The following NF1 variants were observed in gnomAD, a reference collection of about 807,000 sequenced individuals.
NF1 encodes the protein neurofibromin.
NF1 carries 122 observed loss-of-function variants against 325.7 expected under a neutral mutation model. That is an observed-to-expected ratio of 0.37 (90% CI 0.32 to 0.44). The LOEUF is 0.44. Among genes scored for constraint, NF1 ranks in the 20% least tolerant of loss-of-function variants. The pLI, the probability that NF1 is intolerant of heterozygous loss-of-function variation, is 1.00. For synonymous variants in NF1, 1,091 were observed against 1,186.0 expected, an observed-to-expected ratio of 0.92 and a Z score of 1.65; for missense variants, 2,140 against 3,415.4, an observed-to-expected ratio of 0.63 and a Z score of 9.31.
At chr17:31,203,014 T>A (rs1368754904) in intron 11 of NF1, among the ~76,000 whole-genome samples, 1 of 152,236 alleles carries the variant, frequency 6.6e-6, no homozygotes, top group East Asian at 1.9e-4. Context: ...AAAATTTGTA[T>A]ACAATAAACC....
intron 11 of NF1, among the ~76,000 whole-genome samples, chr17:31,205,644 G>A (rs916038717): frequency 2.6e-5 from 4 of 152,014 alleles, no homozygotes; most frequent in African/African-American, 9.7e-5. Context: ...CTTTGTTTAT[G>A]GTAATTGTTA....
chr17:31,305,156 A>G (rs1166572543), intron 36 of NF1: 2 of 1,614,094 alleles, frequency 1.2e-6, no homozygotes, highest in South Asian at 1.1e-5. Flanking sequence ...ATCTGGACAG[A>G]TGATGATTGT....
chr17:31,238,118 G>A (rs1193456231), intron 29 of NF1, among the ~76,000 whole-genome samples: 1 of 152,154 alleles, frequency 6.6e-6, no homozygotes, highest in Non-Finnish European at 1.5e-5. Flanking sequence ...GATCATAATT[G>A]ACGAGTTGCT....
chr17:31,121,372 C>T (rs371339904), intron 1 of NF1, among the ~76,000 whole-genome samples: 1 of 150,098 alleles, frequency 6.7e-6, no homozygotes, highest in African/African-American at 2.5e-5. Context: ...TTATTGAGTC[C>T]CTTCTATGTG....
At chr17:31,121,632 A>G in intron 1 of NF1, among the ~76,000 whole-genome samples, 1 of 152,050 alleles carries the variant, frequency 6.6e-6, no homozygotes, top group East Asian at 1.9e-4. Flanking sequence ...TTTTATCATG[A>G]AGGGGTGTTG....
rs992855982 is a variant in NF1, at chr17:31,377,601, C to T, written c.*3446C>T. On this transcript the variant is annotated 3_prime_UTR_variant, in exon 58 of 58. Coordinates refer to ENST00000358273, the MANE Select transcript of NF1 (RefSeq NM_001042492.3). ...ATTTCAGATCTTTATTGTTCCTCAC[C>T]CCATTTTCCTCCTTGTGTATGTACT... 4.3e-6 allele frequency: 1 copy of T among 232,882 alleles called. No individual in the cohort carries two copies. Among genetic ancestry groups the T allele is most frequent in the African/African-American group, 2.2e-5 (1 of 45,200 alleles). The allele number at this position is 232,882 out of a possible 1,614,324, so 14.4% of individuals were successfully genotyped here. A position where few individuals can be genotyped will look rare whatever the true frequency, so the allele number is the denominator to read the frequency against.
At chr17:31,185,510 C>T (rs898541320) in intron 8 of NF1, among the ~76,000 whole-genome samples, 2 of 152,124 alleles carry the variant, frequency 1.3e-5, no homozygotes, top group Non-Finnish European at 2.9e-5. Flanking sequence ...ACTTAGGGAC[C>T]TTCTACCTCA....
intron 36 of NF1, among the ~76,000 whole-genome samples, chr17:31,313,319 G>A (rs1368357016): frequency 6.6e-6 from 1 of 152,168 alleles, no homozygotes; most frequent in Admixed American, 6.5e-5. Flanking sequence ...TATAAATTCA[G>A]TCATAGCCTG....
At chr17:31,114,371 T>C (rs531908635) in intron 1 of NF1, among the ~76,000 whole-genome samples, 23 of 151,968 alleles carry the variant, frequency 1.5e-4, no homozygotes, top group African/African-American at 4.8e-4. Context: ...ACCCCGTTTC[T>C]ACTAAAAATA....
At chr17:31,258,075 T>C (rs1390794847) in intron 31 of NF1, among the ~76,000 whole-genome samples, 1 of 152,190 alleles carries the variant, frequency 6.6e-6, no homozygotes, top group Admixed American at 6.5e-5. Context: ...ACAGTGAAGA[T>C]CTTTTTTCAG....
chr17:31,336,601 T>C lies in NF1; in HGVS notation c.6148-34T>C. On this transcript the variant is annotated intron_variant, in intron 41 of 57. Coordinates refer to ENST00000358273, the MANE Select transcript of NF1 (RefSeq NM_001042492.3). This position sits in a 1 kb window ranked among gnomAD's most constrained non-coding sequence, Gnocchi z 5.5. ...GCTAAAACTTTGAGTCCCATGTTTT[T>C]TTTTTTAAAAAAAAAAATCCTGCTT... The C allele has an allele frequency of 6.5e-7, 1 of 1,535,142 alleles. No individual in the cohort carries two copies. Among genetic ancestry groups the C allele is most frequent in the Non-Finnish European group, 8.7e-7 (1 of 1,150,888 alleles).
intron 12 of NF1, among the ~76,000 whole-genome samples, chr17:31,210,207 C>G (rs972733797): frequency 2.0e-5 from 3 of 152,168 alleles, no homozygotes; most frequent in Non-Finnish European, 4.4e-5. Context: ...AACGTTTGAA[C>G]AACATCTGAT....
At chr17:31,246,328 G>T (rs1281542125) in intron 29 of NF1, among the ~76,000 whole-genome samples, 2 of 152,178 alleles carry the variant, frequency 1.3e-5, no homozygotes, top group Admixed American at 1.3e-4. Context: ...GTTCAATGAA[G>T]TATTTCTTGC....
intron 36 of NF1, 152 bp from the exon 37 acceptor site, chr17:31,325,668 C>T: frequency 1.4e-6 from 1 of 690,326 alleles, no homozygotes; most frequent in South Asian, 2.0e-5. Flanking sequence ...GTCCAAAAAA[C>T]AACTGATTTA....
Position 31,201,391 on chromosome 17 carries a change from T to G in NF1, c.1186-20T>G. 7 of 1,600,982 alleles carry G rather than the reference T, an allele frequency of 4.4e-6. No individual in the cohort carries two copies. Among genetic ancestry groups the G allele is most frequent in the Non-Finnish European group, 6.0e-6 (7 of 1,170,506 alleles). ...TTTTTCTCATAGAAATAATCTGCTT[T>G]TTTTTTTCTTTTTCTATAGATCTGC... On this transcript the variant is annotated intron_variant, in intron 10 of 57. Coordinates refer to ENST00000358273, the MANE Select transcript of NF1 (RefSeq NM_001042492.3).
At chr17:31,131,484 C>T (rs1351866008) in intron 1 of NF1, among the ~76,000 whole-genome samples, 1 of 152,234 alleles carries the variant, frequency 6.6e-6, no homozygotes, top group African/African-American at 2.4e-5. Context: ...TCTGTGTCTT[C>T]CCTCTGTCAG....
In NF1 at chr17:31,335,290, A is replaced by ATATATATATATATG. The variant is rs371429803; in HGVS notation, c.6006+265_6006+266insTATATATGTATATA. ...AAGGCATAATTATATATATATATAT[A>ATATATATATATATG]TATATAATTATGCCTTGAAGGAGAC... is the stretch of plus-strand genomic sequence containing the variant. On this transcript the variant is annotated intron_variant, in intron 40 of 57. Coordinates refer to ENST00000358273, the MANE Select transcript of NF1 (RefSeq NM_001042492.3). 9.9e-4 allele frequency among the ~76,000 whole-genome samples: 71 copies of ATATATATATATATG among 71,618 alleles called. 18 individuals are homozygous for ATATATATATATATG. The highest frequency in any genetic ancestry group is 1.2e-3 in the Non-Finnish European group (38 of 30,762). 47.0% of individuals were successfully genotyped at this position (71,618 alleles called of 152,430 possible).
intron 1 of NF1, among the ~76,000 whole-genome samples, chr17:31,130,875 G>A (rs962167399): frequency 6.6e-6 from 1 of 152,186 alleles, no homozygotes; most frequent in African/African-American, 2.4e-5. Context: ...AGCAGCCTTC[G>A]GTGGGAGGAG....
chr17:31,265,887 T>C (rs1454229043), intron 36 of NF1, among the ~76,000 whole-genome samples: 1 of 152,196 alleles, frequency 6.6e-6, no homozygotes, highest in Non-Finnish European at 1.5e-5. Context: ...AAAGCCTTTC[T>C]GGAAATGTTG....
Sources: allele counts gnomAD v4.1 joint callset (sites outside exome capture counted in the v4.1 genomes callset), GRCh38; gene constraint gnomAD v4.1.1; non-coding constraint Gnocchi (gnomAD v3.1); transcripts MANE v1.5; gene names NCBI Gene and HGNC (gene_info 2026-07-23, HGNC 2026-07-21).